ARID2: variants seen among roughly 807,000 people sequenced by gnomAD.
The protein encoded by ARID2 is AT-rich interactive domain-containing protein 2.
ARID2 carries 32 observed loss-of-function variants against 184.6 expected under a neutral mutation model. The ratio of observed to expected loss-of-function variants is 0.17; its 90% CI spans 0.13 to 0.23. The LOEUF (loss-of-function observed/expected upper bound fraction) is 0.23, where lower values mean the gene tolerates loss of function less well. Among genes scored for constraint, ARID2 ranks in the 10% least tolerant of loss-of-function variants. The pLI is 1.00. For missense variants in ARID2, 1,696 were observed against 2,197.6 expected, an observed-to-expected ratio of 0.77 and a Z score of 4.56; for synonymous variants, 836 against 772.6, an observed-to-expected ratio of 1.08 and a Z score of -1.36.
intron 16 of ARID2, among the ~76,000 whole-genome samples, chr12:45,882,507 C>G (rs548558376): frequency 1.3e-5 from 2 of 152,336 alleles, no homozygotes; most frequent in African/African-American, 4.8e-5. Flanking sequence ...ATGATTACTT[C>G]TACTTCTTCC....
chr12:45,753,451 T>C (rs1264493927), intron 3 of ARID2, among the ~76,000 whole-genome samples: 1 of 152,232 alleles, frequency 6.6e-6, no homozygotes, highest in Non-Finnish European at 1.5e-5. Context: ...GTTTCACCTG[T>C]AAAAAGTAGA....
chr12:45,803,010 C>G (rs1334250533), intron 3 of ARID2, among the ~76,000 whole-genome samples: 1 of 151,792 alleles, frequency 6.6e-6, no homozygotes, highest in Non-Finnish European at 1.5e-5. Flanking sequence ...CTTTTCTTTT[C>G]CAATTAAAGC....
chr12:45,734,096 C>T (rs1482668161), intron 3 of ARID2, among the ~76,000 whole-genome samples: 1 of 152,186 alleles, frequency 6.6e-6, no homozygotes, highest in African/African-American at 2.4e-5. Context: ...AGGCCAGGTG[C>T]GGTGGCTCAC....
chr12:45,761,978 C>A (rs1292140203), intron 3 of ARID2, among the ~76,000 whole-genome samples: 1 of 152,030 alleles, frequency 6.6e-6, no homozygotes, highest in Non-Finnish European at 1.5e-5. Flanking sequence ...CTTATTCAAA[C>A]CATTTTAAAA....
chr12:45,798,063 A>G (rs534007558), intron 3 of ARID2, among the ~76,000 whole-genome samples: 2 of 152,340 alleles, frequency 1.3e-5, no homozygotes, highest in South Asian at 2.1e-4. Flanking sequence ...TTACCTAGAT[A>G]GAAATACACC....
chr12:45,866,058 C>A (rs1943827494), intron 16 of ARID2, among the ~76,000 whole-genome samples: 1 of 151,834 alleles, frequency 6.6e-6, no homozygotes, highest in Non-Finnish European at 1.5e-5. Flanking sequence ...CTATATTGTA[C>A]ATGAAAAGTA....
At chr12:45,816,260 A>G (rs546305040) in intron 4 of ARID2, among the ~76,000 whole-genome samples, 1 of 152,356 alleles carries the variant, frequency 6.6e-6, no homozygotes, top group South Asian at 2.1e-4. Context: ...GCACAAAAGC[A>G]TGAACCATAA....
intron 16 of ARID2, among the ~76,000 whole-genome samples, chr12:45,867,350 T>C (rs1273627096): frequency 1.3e-5 from 2 of 152,038 alleles, no homozygotes; most frequent in African/African-American, 2.4e-5. Flanking sequence ...CTTCCTGAGC[T>C]CAAGTGATCC....
At chr12:45,750,327 G>A (rs773600109) in intron 3 of ARID2, among the ~76,000 whole-genome samples, 2 of 152,088 alleles carry the variant, frequency 1.3e-5, no homozygotes, top group Non-Finnish European at 2.9e-5. Flanking sequence ...AGTTTGGGGT[G>A]CCCCCAAACA....
At chr12:45,842,399 A>G (rs927954639) in intron 11 of ARID2, among the ~76,000 whole-genome samples, 7 of 151,882 alleles carry the variant, frequency 4.6e-5, no homozygotes, top group Admixed American at 4.6e-4. Context: ...CATATATTTT[A>G]TCATTACAGG....
At chr12:45,904,419 G>A (rs1944494980) in intron 20 of ARID2, 4 of 699,112 alleles carry the variant, frequency 5.7e-6, no homozygotes, top group Admixed American at 2.1e-5. Context: ...GAGGCTGGGC[G>A]CGGTGGCTCA....
chr12:45,762,565 C>T (rs574820749), intron 3 of ARID2, among the ~76,000 whole-genome samples: 4 of 152,324 alleles, frequency 2.6e-5, no homozygotes, highest in Non-Finnish European at 5.9e-5. Flanking sequence ...CTCTGGCTTT[C>T]ATGTGCTCTG....
At position 45,837,640 on chromosome 12, in the gene ARID2, G is replaced by A. The variant is rs2138132445; in HGVS notation, c.1263G>A (p.Val421=). Reference sequence around the variant, plus strand: ...TGCTTGTAATCTCAACACTCGAGGTGCTATACATGCTCACGGAAATGGGAG... The same window carrying A: ...TGCTTGTAATCTCAACACTCGAGGTACTATACATGCTCACGGAAATGGGAG... ...DVLLVISTLE[V]LYMLTEMGDV... Residue 421 remains valine (V), a synonymous_variant, in exon 10 of 21, where the codon GTG becomes GTA. Coordinates refer to ENST00000334344, the MANE Select transcript of ARID2 (RefSeq NM_152641.4). The A allele has an allele frequency of 6.2e-7, 1 of 1,613,988 alleles. No individual in the cohort carries two copies. The highest frequency in any genetic ancestry group is 8.5e-7 in the Non-Finnish European group (1 of 1,179,950).
Position 45,860,817 on chromosome 12 carries a change from CT to C in ARID2, c.4792del (p.Ser1598HisfsTer28). ...TTTTCACAGAACACTCCTATGCCAC[CT>C]TCACCAGCTGTACAAGTGCAGGGCC... is the stretch of plus-strand genomic sequence containing the variant. ...NVVPQNTPMP[P>X]SPAVQVQGQP... On this transcript the variant is annotated frameshift_variant, in exon 16 of 21. Coordinates refer to ENST00000334344, the MANE Select transcript of ARID2 (RefSeq NM_152641.4). LOFTEE classifies it high-confidence loss of function. The C allele has an allele frequency of 1.9e-6, 3 of 1,592,072 alleles. No individual in the cohort carries two copies. The highest frequency in any genetic ancestry group is 2.3e-5 in the South Asian group (2 of 86,374).
At position 45,863,976 on chromosome 12, in the gene ARID2, C is replaced by T. The variant is rs532849659; in HGVS notation, c.4922+3027C>T. 4.5e-4 allele frequency among the ~76,000 whole-genome samples: 69 copies of T among 151,914 alleles called. No individual in the cohort carries two copies. The Middle Eastern group carries it at 0.02, about 45-fold the overall frequency. On this transcript the variant is annotated intron_variant, in intron 16 of 20. Transcript: ENST00000334344. ...GCTCAAGCCATCCTCCCACCTCAGC[C>T]TCCAAAGTGACTGAGACTACAGGTG...
At chr12:45,746,288 T>C (rs1941354108) in intron 3 of ARID2, among the ~76,000 whole-genome samples, 1 of 151,804 alleles carries the variant, frequency 6.6e-6, no homozygotes, top group Admixed American at 6.6e-5. Context: ...TGTGTAAAGA[T>C]TTTGTAGAGA....
In ARID2 at chr12:45,749,556, C is replaced by T. The variant is rs1941420476; in HGVS notation, c.284+18242C>T. Among the ~76,000 whole-genome samples, 4 of 152,342 alleles carry T rather than the reference C, an allele frequency of 2.6e-5. No homozygotes were observed. The South Asian group carries it at 8.3e-4, about 32-fold the overall frequency. On this transcript the variant is annotated intron_variant, in intron 3 of 20. Transcript: ENST00000334344. Reference sequence around the variant, plus strand: ...TTTCCCTTGAAGCTTTGAAGCCAGGCATTGACTTTTCCTTTCTAGCTCTGA... The same window carrying T: ...TTTCCCTTGAAGCTTTGAAGCCAGGTATTGACTTTTCCTTTCTAGCTCTGA...
chr12:45,802,089 C>CA lies in ARID2; in HGVS notation c.285-9328dup, dbSNP rs538098046. Reference sequence around the variant, plus strand: ...CCACCCCCACCCACCCCCGAGACGACAGGGTCTCTCTCTGTTGCCAAGGCT... The same window carrying CA: ...CCACCCCCACCCACCCCCGAGACGACAAGGGTCTCTCTCTGTTGCCAAGGCT... On this transcript the variant is annotated intron_variant, in intron 3 of 20. Coordinates refer to ENST00000334344, the MANE Select transcript of ARID2 (RefSeq NM_152641.4). Among the ~76,000 whole-genome samples the CA allele has an allele frequency of 9.9e-5, 14 of 141,762 alleles. No homozygotes were observed. In the East Asian group the frequency reaches 2.9e-3, roughly 29 times the overall value. The allele number at this position is 141,762 out of a possible 152,430, so 93.0% of individuals were successfully genotyped here. A position where few individuals can be genotyped will look rare whatever the true frequency, so the allele number is the denominator to read the frequency against.
At chr12:45,806,725 T>G (rs1398145423) in intron 3 of ARID2, among the ~76,000 whole-genome samples, 2 of 152,194 alleles carry the variant, frequency 1.3e-5, no homozygotes, top group Non-Finnish European at 2.9e-5. Flanking sequence ...TCCAAGCTAC[T>G]GTACTGGATT....
Sources: gnomAD v4.1 joint callset for allele counts (sites outside exome capture counted in the v4.1 genomes callset) on GRCh38, gnomAD v4.1.1 for gene constraint, MANE v1.5 for transcripts, NCBI Gene and HGNC (gene_info 2026-07-23, HGNC 2026-07-21) for gene names.